CCDC198: variants seen among roughly 807,000 people sequenced by gnomAD.
CCDC198 encodes the protein factor associated with metabolism and energy.
CCDC198 carries 18 observed loss-of-function variants against 35.6 expected under a neutral mutation model. That is an observed-to-expected ratio of 0.51 (90% CI 0.35 to 0.75). CCDC198 has a LOEUF of 0.75. Among genes scored for constraint, CCDC198 ranks in the 30% least tolerant of loss-of-function variants. The probability of loss-of-function intolerance (pLI) is 0.01; values close to 1 mark genes in which losing one functional copy is unlikely to be tolerated. For missense variants in CCDC198, 365 were observed against 343.7 expected, an observed-to-expected ratio of 1.06 and a Z score of -0.49; for synonymous variants, 119 against 113.4, an observed-to-expected ratio of 1.05 and a Z score of -0.31.
Position 57,481,672 on chromosome 14 carries a change from A to G in CCDC198, c.394-12T>C, listed in dbSNP as rs1468472090. 6.6e-7 allele frequency: 1 copy of G among 1,521,328 alleles called. No individual in the cohort carries two copies. Among genetic ancestry groups the G allele is most frequent in the South Asian group, 1.1e-5 (1 of 88,590 alleles). The allele number at this position is 1,521,328 out of a possible 1,614,324, so 94.2% of individuals were successfully genotyped here. ...TTTTCTAGTACCTGCTATGAAAGAC[A>G]ACACACTTGTTAGTATGGGGTAATT... On this transcript the variant is annotated splice_polypyrimidine_tract_variant and intron_variant, in intron 3 of 5. Transcript: ENST00000216445.
chr14:57,489,376 G>A (rs566485217), intron 2 of CCDC198, among the ~76,000 whole-genome samples: 1 of 152,232 alleles, frequency 6.6e-6, no homozygotes, highest in South Asian at 2.1e-4. Flanking sequence ...GCCTGTCAGG[G>A]TTGGTGGAGA....
intron 1 of CCDC198, among the ~76,000 whole-genome samples, chr14:57,491,488 C>G (rs940564807): frequency 6.6e-6 from 1 of 152,014 alleles, no homozygotes; most frequent in Non-Finnish European, 1.5e-5. Flanking sequence ...AAACAATCTT[C>G]TTAGATGAAA....
Position 57,469,572 on chromosome 14 carries a change from A to G in CCDC198, c.*1783T>C, listed in dbSNP as rs2066780632. On this transcript the variant is annotated 3_prime_UTR_variant, in exon 6 of 6. Transcript: ENST00000216445. ...ATTGACCACAATAAGTGAGGACACC[A>G]TGAATAGGTTGGATTTGTTTATCCT... 6.6e-6 allele frequency: 1 copy of G among 152,228 alleles called. No homozygotes were observed. The highest frequency in any genetic ancestry group is 6.5e-5 in the Admixed American group (1 of 15,286). 9.4% of individuals were successfully genotyped at this position (152,228 alleles called of 1,614,324 possible).
intron 2 of CCDC198, among the ~76,000 whole-genome samples, chr14:57,486,808 C>T (rs2067376763): frequency 6.6e-6 from 1 of 152,108 alleles, no homozygotes; most frequent in South Asian, 2.1e-4. Flanking sequence ...TCTCTTTCTT[C>T]CATTTTCAGC....
intron 2 of CCDC198, among the ~76,000 whole-genome samples, chr14:57,485,120 T>C (rs1334916240): frequency 2.6e-5 from 4 of 152,100 alleles, no homozygotes; most frequent in Non-Finnish European, 5.9e-5. Flanking sequence ...TGGTGTGCAA[T>C]AGATTGAGTT....
intron 5 of CCDC198, chr14:57,475,298 A>AAATAAATAAATAAATAAATC (rs746771576): frequency 2.5e-6 from 2 of 788,370 alleles, no homozygotes; most frequent in African/African-American, 3.8e-5. Flanking sequence ...ATAAATAAAT[A>AAATAAATAAATAAATAAATC]AAATCTATAA....
intron 1 of CCDC198, 98 bp from the exon 2 acceptor site, chr14:57,491,169 G>A: frequency 4.0e-6 from 5 of 1,261,000 alleles, no homozygotes; most frequent in Non-Finnish European, 4.4e-6. Flanking sequence ...ACACAATTTT[G>A]TACCTTTTCA....
chr14:57,484,170 C>T (rs2067278743), intron 2 of CCDC198, among the ~76,000 whole-genome samples: 1 of 152,176 alleles, frequency 6.6e-6, no homozygotes, highest in African/African-American at 2.4e-5. Context: ...CCTAGCCCTC[C>T]ATACCTCAGA....
intron 1 of CCDC198, among the ~76,000 whole-genome samples, 199 bp downstream of exon 1, chr14:57,493,294 C>T (rs1161714509): frequency 6.6e-6 from 1 of 152,146 alleles, no homozygotes; most frequent in Non-Finnish European, 1.5e-5. Context: ...ACAGTTTATA[C>T]TCCCATTCTA....
In CCDC198 at chr14:57,471,611, T is replaced by C. The variant is rs764166588; in HGVS notation, c.656-21A>G. On this transcript the variant is annotated intron_variant, in intron 5 of 5. Coordinates refer to ENST00000216445, the MANE Select transcript of CCDC198 (RefSeq NM_018168.4). Reference sequence around the variant, plus strand: ...ATTTCCTACAAAAAAATTAAGTTTCTTTAATTTTTTCCCTTAGCAATGATT... The same window carrying C: ...ATTTCCTACAAAAAAATTAAGTTTCCTTAATTTTTTCCCTTAGCAATGATT... 8.8e-6 allele frequency: 12 copies of C among 1,365,532 alleles called. 1 individual carries two copies. In the South Asian group the frequency reaches 1.6e-4, roughly 18 times the overall value. 84.6% of individuals were successfully genotyped at this position (1,365,532 alleles called of 1,614,324 possible). A position where few individuals can be genotyped will look rare whatever the true frequency, so the allele number is the denominator to read the frequency against.
intron 2 of CCDC198, among the ~76,000 whole-genome samples, chr14:57,486,907 GAA>G (rs2067380896): frequency 6.6e-6 from 1 of 152,136 alleles, no homozygotes; most frequent in Admixed American, 6.6e-5. Context: ...CCTGGCGTTT[GAA>G]AAGAGCCCAA....
chr14:57,484,193 T>C (rs978141776), intron 2 of CCDC198, among the ~76,000 whole-genome samples: 1 of 152,208 alleles, frequency 6.6e-6, no homozygotes, highest in Non-Finnish European at 1.5e-5. Context: ...CGGAACTTAT[T>C]TGGAAATAGG....
rs369503635 is a variant in CCDC198, at chr14:57,471,322, A to T, written c.*33T>A. 27 of 1,510,720 alleles carry T rather than the reference A, an allele frequency of 1.8e-5. 1 individual carries two copies. The African/African-American group carries it at 2.6e-4, about 15-fold the overall frequency. The allele number at this position is 1,510,720 out of a possible 1,614,324, so 93.6% of individuals were successfully genotyped here. On this transcript the variant is annotated 3_prime_UTR_variant, in exon 6 of 6. Coordinates refer to ENST00000216445, the MANE Select transcript of CCDC198 (RefSeq NM_018168.4). The stretch of plus-strand genomic sequence containing the variant: ...TTTTGAGAGTAAAACAAGCTTTCAA[A>T]GCACTCAGTTTCTAGGTTAATGAAT...
At position 57,491,079 on chromosome 14, in the gene CCDC198, G is replaced by A; in HGVS notation, c.224-8C>T. 1.9e-6 allele frequency: 3 copies of A among 1,608,582 alleles called. No homozygotes were observed. Among genetic ancestry groups the A allele is most frequent in the Non-Finnish European group, 2.5e-6 (3 of 1,176,600 alleles). ...AATACATGTCTCTGGATGCTTGAAG[G>A]ATTGGGGAAGAAACAGGAATAAAAC... On this transcript the variant is annotated splice_region_variant and splice_polypyrimidine_tract_variant and intron_variant, in intron 1 of 5. Coordinates refer to ENST00000216445, the MANE Select transcript of CCDC198 (RefSeq NM_018168.4).
chr14:57,472,056 G>A (rs1415583969), intron 5 of CCDC198, among the ~76,000 whole-genome samples: 1 of 151,828 alleles, frequency 6.6e-6, no homozygotes, highest in Non-Finnish European at 1.5e-5. Context: ...ATTTAACATT[G>A]ATATAATACT....
intron 5 of CCDC198, among the ~76,000 whole-genome samples, chr14:57,475,123 T>C (rs1616660): frequency 0.94 from 141,541 of 151,304 alleles, 66,522 homozygotes; most frequent in East Asian, 1. Context: ...TAGCCGGGCA[T>C]GGTGGCGGGC....
chr14:57,484,313 C>A (rs1201858872), intron 2 of CCDC198, among the ~76,000 whole-genome samples: 1 of 152,186 alleles, frequency 6.6e-6, no homozygotes, highest in Non-Finnish European at 1.5e-5. Context: ...CACAGACACA[C>A]ACACAGGCAG....
chr14:57,477,541 C>T (rs1038571716), intron 5 of CCDC198, among the ~76,000 whole-genome samples: 9 of 152,106 alleles, frequency 5.9e-5, no homozygotes, highest in African/African-American at 1.7e-4. Flanking sequence ...GATTCTCATA[C>T]GGTTAAAGTG....
intron 5 of CCDC198, among the ~76,000 whole-genome samples, chr14:57,477,731 T>C (rs964979935): frequency 6.6e-6 from 1 of 152,198 alleles, no homozygotes; most frequent in Non-Finnish European, 1.5e-5. Context: ...GGAGTCTTGC[T>C]GTGTCGCCCA....
Sources: gnomAD v4.1 joint callset for allele counts (sites outside exome capture counted in the v4.1 genomes callset) on GRCh38, gnomAD v4.1.1 for gene constraint, MANE v1.5 for transcripts, NCBI Gene and HGNC (gene_info 2026-07-23, HGNC 2026-07-21) for gene names.